CDC16: variants seen among roughly 807,000 people sequenced by gnomAD.
The protein encoded by CDC16 is cell division cycle 16.
A neutral mutation model predicts 87.0 loss-of-function variants in CDC16; 34 were observed. The observed-to-expected ratio is 0.39, with a 90% CI of 0.30 to 0.52. The LOEUF is 0.52. Ranked by LOEUF, CDC16 falls within the 20% of genes least tolerant of loss-of-function variation. CDC16 has a pLI of 0.74. For synonymous variants in CDC16, 263 were observed against 260.6 expected (o/e 1.01, Z -0.09); for missense variants, 653 against 751.9 (o/e 0.87, Z 1.54).
chr13:114,267,589 A>G (rs1383576833), intron 17 of CDC16, among the ~76,000 whole-genome samples: 1 of 152,254 alleles, frequency 6.6e-6, no homozygotes, highest in Non-Finnish European at 1.5e-5. Flanking sequence ...ATAATTGAAA[A>G]TGTCAAAATT....
At chr13:114,236,946 T>C (rs2081282292) in intron 3 of CDC16, 50 bp downstream of exon 3, 1 of 1,271,926 alleles carries the variant, frequency 7.9e-7, no homozygotes, top group Non-Finnish European at 1.1e-6. Flanking sequence ...AAAAAAAATG[T>C]CATTAGTGGC....
Position 114,241,507 on chromosome 13 carries a change from A to T in CDC16, c.382-614A>T, listed in dbSNP as rs146182906. Among the ~76,000 whole-genome samples the T allele has an allele frequency of 9.3e-4, 141 of 152,132 alleles. 1 individual carries two copies. In the Middle Eastern group the frequency reaches 0.01, roughly 11 times the overall value. Reference sequence around the variant, plus strand: ...TGGAGTTTTATACACATGCACACACACTCTGCCATCTCTAAATCATTGCAC... The same window carrying T: ...TGGAGTTTTATACACATGCACACACTCTCTGCCATCTCTAAATCATTGCAC... On this transcript the variant is annotated intron_variant, in intron 5 of 17. Coordinates refer to ENST00000356221, the MANE Select transcript of CDC16 (RefSeq NM_001078645.3).
At chr13:114,245,858 AT>A (rs2081838394) in intron 9 of CDC16, 141 bp from the exon 10 acceptor site, 2 of 611,060 alleles carry the variant, frequency 3.3e-6, no homozygotes, top group Non-Finnish European at 2.9e-6. Context: ...TAGAGAGTTA[AT>A]TTTTTATCTA....
intron 8 of CDC16, 79 bp downstream of exon 8, chr13:114,244,068 T>C: frequency 2.1e-6 from 2 of 932,590 alleles, no homozygotes; most frequent in Middle Eastern, 4.4e-4. Flanking sequence ...ACGTGCTCTC[T>C]GAATAATCTT....
chr13:114,265,464 G>A (rs2083144618), intron 17 of CDC16, among the ~76,000 whole-genome samples: 3 of 152,196 alleles, frequency 2.0e-5, no homozygotes, highest in Admixed American at 2.0e-4. Context: ...TACTTGCTAA[G>A]TGCAAAATAC....
At chr13:114,257,839 T>TG (rs1178044616) in intron 13 of CDC16, among the ~76,000 whole-genome samples, 1 of 152,164 alleles carries the variant, frequency 6.6e-6, no homozygotes, top group African/African-American at 2.4e-5. Context: ...CAGGCTAGAG[T>TG]GCAGTGGCGC....
At chr13:114,267,483 A>G (rs539455590) in intron 17 of CDC16, among the ~76,000 whole-genome samples, 1 of 49,146 alleles carries the variant, frequency 2.0e-5, no homozygotes, top group East Asian at 9.1e-4. Context: ...CCTGGGTGAC[A>G]GCCAATCTCA....
intron 16 of CDC16, among the ~76,000 whole-genome samples, chr13:114,263,809 C>T (rs1307142660): frequency 6.6e-6 from 1 of 152,142 alleles, no homozygotes; most frequent in Non-Finnish European, 1.5e-5. Flanking sequence ...CCACAATTCC[C>T]GCATCTGTTT....
chr13:114,270,914 CTTTTTTTTT>C (rs571053869), intron 17 of CDC16, among the ~76,000 whole-genome samples: 2 of 101,140 alleles, frequency 2.0e-5, no homozygotes, highest in African/African-American at 3.8e-5. Flanking sequence ...AGAGATTTAC[CTTTTTTTTT>C]TTTTTTTTTT....
intron 12 of CDC16, among the ~76,000 whole-genome samples, chr13:114,256,762 C>T (rs573840933): frequency 6.6e-6 from 1 of 152,218 alleles, no homozygotes; most frequent in South Asian, 2.1e-4. Context: ...TCGGCTGGGG[C>T]ATGACATTAG....
At chr13:114,253,927 T>A (rs552649997) in intron 12 of CDC16, among the ~76,000 whole-genome samples, 9 of 152,330 alleles carry the variant, frequency 5.9e-5, no homozygotes, top group African/African-American at 2.2e-4. Context: ...AATTGTGTAT[T>A]TCTCCCTCCA....
chr13:114,243,422 T>C (rs958748700), intron 7 of CDC16, 74 bp downstream of exon 7: 7 of 745,370 alleles, frequency 9.4e-6, no homozygotes, highest in African/African-American at 5.3e-5. Flanking sequence ...TCTAGTCTTA[T>C]ATTAAGTTTT....
chr13:114,252,153 G>A (rs2082226333), intron 12 of CDC16, among the ~76,000 whole-genome samples: 1 of 148,000 alleles, frequency 6.8e-6, no homozygotes, highest in African/African-American at 2.5e-5. Context: ...TTGGATAAGA[G>A]CCCTACACTA....
chr13:114,253,051 C>T (rs1490157145), intron 12 of CDC16, among the ~76,000 whole-genome samples: 2 of 152,170 alleles, frequency 1.3e-5, no homozygotes, highest in Non-Finnish European at 2.9e-5. Context: ...GCAGGATGGT[C>T]ACTGTGCCAC....
rs1320468845 is a variant in CDC16, at chr13:114,251,450, A to G, written c.1097+776A>G. On this transcript the variant is annotated intron_variant, in intron 12 of 17. Transcript: ENST00000356221. ...TCTTACACATAGAAAGCACTCAGTG[A>G]AAGTTAGCTACTTGTGTTTATTTAC... Among the ~76,000 whole-genome samples the G allele has an allele frequency of 2.0e-5, 3 of 152,244 alleles. No individual in the cohort carries two copies. The East Asian group carries it at 5.8e-4, about 29-fold the overall frequency.
intron 5 of CDC16, among the ~76,000 whole-genome samples, 194 bp downstream of exon 5, chr13:114,239,684 C>T (rs578025199): frequency 9.3e-4 from 141 of 152,346 alleles, no homozygotes; most frequent in African/African-American, 3.2e-3. Context: ...GTAATTGTAT[C>T]CGCAGATGCC....
chr13:114,250,955 A>T (rs902367464), intron 12 of CDC16, among the ~76,000 whole-genome samples: 1 of 152,238 alleles, frequency 6.6e-6, no homozygotes, highest in African/African-American at 2.4e-5. Flanking sequence ...TCACATGCTC[A>T]TGCAAGAATA....
At chr13:114,244,631 C>T (rs575483927) in intron 8 of CDC16, 3 of 291,804 alleles carry the variant, frequency 1.0e-5, no homozygotes, top group Admixed American at 5.1e-5. Flanking sequence ...TTATGTATTA[C>T]AATTCTGTTG....
intron 3 of CDC16, among the ~76,000 whole-genome samples, chr13:114,237,187 C>T (rs531333818): frequency 1.3e-5 from 2 of 151,616 alleles, no homozygotes; most frequent in East Asian, 3.9e-4. Context: ...TCGTGCATTG[C>T]ACTCCAGCCT....
Sources: allele counts gnomAD v4.1 joint callset (sites outside exome capture counted in the v4.1 genomes callset), GRCh38; gene constraint gnomAD v4.1.1; transcripts MANE v1.5; gene names NCBI Gene and HGNC (gene_info 2026-07-23, HGNC 2026-07-21).